The following GLI2 variants were observed in gnomAD, a reference collection of about 807,000 sequenced individuals.
GLI2 encodes the protein GLI family zinc finger 2, also known as transcription activator GLI2.
Under a neutral mutation model 78.9 loss-of-function variants are expected in GLI2, and 22 were observed. The ratio of observed to expected loss-of-function variants is 0.28; its 90% confidence interval spans 0.20 to 0.40. GLI2 has a LOEUF of 0.40. Among genes scored for constraint, GLI2 ranks in the 10% least tolerant of loss-of-function variants. The pLI, the probability that GLI2 is intolerant of heterozygous loss-of-function variation, is 1.00. For missense variants in GLI2, 2,097 were observed against 2,213.2 expected, an observed-to-expected ratio of 0.95 and a Z score of 1.05; for synonymous variants, 974 against 963.7, an observed-to-expected ratio of 1.01 and a Z score of -0.20.
chr2:120,863,810 G>C (rs889634871), intron 2 of GLI2, among the ~76,000 whole-genome samples: 4 of 152,204 alleles, frequency 2.6e-5, no homozygotes, highest in African/African-American at 9.6e-5. Context: ...GCACAGATAA[G>C]CTGAGTCACA....
intron 1 of GLI2, among the ~76,000 whole-genome samples, chr2:120,750,598 A>G (rs889446855): frequency 6.6e-6 from 1 of 152,258 alleles, no homozygotes. Flanking sequence ...ATTATTAAAA[A>G]GGCAGTCTGT....
chr2:120,972,534 C>A (rs1294989752), intron 8 of GLI2: 2 of 459,528 alleles, frequency 4.4e-6, no homozygotes, highest in African/African-American at 2.0e-5. Flanking sequence ...TCCAGGCCCA[C>A]ACACCCAGCC....
chr2:120,842,626 G>T (rs13387130), intron 2 of GLI2, among the ~76,000 whole-genome samples: 1 of 152,204 alleles, frequency 6.6e-6, no homozygotes, highest in South Asian at 2.1e-4. Context: ...GCATGCCGAT[G>T]TGAGAACCGA....
chr2:120,737,646 C>T lies in GLI2; in HGVS notation c.-31+1361C>T, dbSNP rs1011020894. Among the ~76,000 whole-genome samples the T allele has an allele frequency of 1.3e-5, 2 of 152,188 alleles. No individual in the cohort carries two copies. The highest frequency in any genetic ancestry group is 1.3e-4 in the Admixed American group (2 of 15,284). On this transcript the variant is annotated intron_variant, in intron 1 of 13. Transcript: ENST00000361492. This position sits in a 1 kb window ranked among gnomAD's most constrained non-coding sequence, Gnocchi z 4.3. ...GGTGTCCCGGGCCCCCTCTCCGCCGCTCTTGCCGGGCGTGTGAAGGTTTAA... is the reference window on the plus strand; with the variant it reads ...GGTGTCCCGGGCCCCCTCTCCGCCGTTCTTGCCGGGCGTGTGAAGGTTTAA...
chr2:120,932,728 A>C (rs1680003373), intron 3 of GLI2, among the ~76,000 whole-genome samples: 1 of 152,356 alleles, frequency 6.6e-6, no homozygotes, highest in African/African-American at 2.4e-5. Context: ...GGAAACATTC[A>C]ATGGATATGA....
At chr2:120,938,775 G>A (rs1269713986) in intron 3 of GLI2, among the ~76,000 whole-genome samples, 1 of 152,112 alleles carries the variant, frequency 6.6e-6, no homozygotes, top group Non-Finnish European at 1.5e-5. Flanking sequence ...CCCATGGAGT[G>A]ATCATGTAGA....
intron 13 of GLI2, 65 bp from the exon 14 acceptor site, chr2:120,988,143 G>T: frequency 6.9e-7 from 1 of 1,457,392 alleles, no homozygotes. Context: ...TGCGATGACT[G>T]AGCACGGTCA....
intron 2 of GLI2, among the ~76,000 whole-genome samples, chr2:120,849,564 C>T (rs957103921): frequency 1.3e-5 from 2 of 152,140 alleles, no homozygotes; most frequent in African/African-American, 4.8e-5. Flanking sequence ...GATCCTAGTG[C>T]CAAGCTTGGA....
rs556022773 is a variant in GLI2, at chr2:120,879,874, C to T, written c.149-47487C>T. Reference sequence around the variant, plus strand: ...TCTTGAGCCAGAGAAGCCAGCCAGTCATTTTCTCCAGCCTCTAGCTGAGCC... The same window carrying T: ...TCTTGAGCCAGAGAAGCCAGCCAGTTATTTTCTCCAGCCTCTAGCTGAGCC... On this transcript the variant is annotated intron_variant, in intron 2 of 13. Transcript: ENST00000361492. 1.6e-4 allele frequency among the ~76,000 whole-genome samples: 25 copies of T among 152,316 alleles called. No individual in the cohort carries two copies. In the South Asian group the frequency reaches 4.8e-3, roughly 29 times the overall value.
At chr2:120,920,919 A>C (rs1679342676) in intron 2 of GLI2, among the ~76,000 whole-genome samples, 1 of 148,682 alleles carries the variant, frequency 6.7e-6, no homozygotes. Context: ...AAAAAAACAC[A>C]AAAGCCAACA....
Position 120,797,452 on chromosome 2 carries a change from G to A in GLI2, c.132G>A (p.Ala44=), listed in dbSNP as rs145778937. Residue 44 remains alanine (A), a synonymous_variant, in exon 2 of 14, where the codon GCG becomes GCA. Transcript: ENST00000361492. ...PLVVAAAAAA[A]VAAQGVPQHL... The stretch of plus-strand genomic sequence containing the variant: ...TGGTGGCTGCAGCGGCAGCAGCAGC[G>A]GTAGCTGCCCAAGGAGGTACTTTCT... The A allele has an allele frequency of 2.2e-4, 362 of 1,613,772 alleles. No homozygotes were observed. The highest frequency in any genetic ancestry group is 2.8e-4 in the Admixed American group (17 of 60,022).
chr2:120,797,270 T>C (rs752914145), intron 1 of GLI2, 21 bp from the exon 2 acceptor site: 4 of 1,602,680 alleles, frequency 2.5e-6, no homozygotes, highest in Non-Finnish European at 3.4e-6. Flanking sequence ...TGTTGGTGAG[T>C]GTCTTTGTCT....
At chr2:120,916,228 A>G (rs185718815) in intron 2 of GLI2, among the ~76,000 whole-genome samples, 1 of 152,312 alleles carries the variant, frequency 6.6e-6, no homozygotes, top group South Asian at 2.1e-4. Flanking sequence ...ACCTCTTACT[A>G]TGTGTATTAC....
At chr2:120,922,632 A>C (rs1201962049) in intron 2 of GLI2, among the ~76,000 whole-genome samples, 1 of 152,224 alleles carries the variant, frequency 6.6e-6, no homozygotes, top group Non-Finnish European at 1.5e-5. Flanking sequence ...CCCATGAGGC[A>C]GCAGACCTTG....
chr2:120,816,918 C>T (rs1558812816), intron 2 of GLI2, among the ~76,000 whole-genome samples: 1 of 152,196 alleles, frequency 6.6e-6, no homozygotes, highest in Admixed American at 6.5e-5. Context: ...AGATCAAAGG[C>T]CTTCCCATGC....
chr2:120,753,160 G>A (rs1325716690), intron 1 of GLI2, among the ~76,000 whole-genome samples: 1 of 142,908 alleles, frequency 7.0e-6, no homozygotes, highest in Non-Finnish European at 1.5e-5. Flanking sequence ...GCAGTGGCAC[G>A]ATCTCAGCTC....
chr2:120,907,768 C>A (rs1678614743), intron 2 of GLI2, among the ~76,000 whole-genome samples: 1 of 151,618 alleles, frequency 6.6e-6, no homozygotes, highest in African/African-American at 2.4e-5. Context: ...ACCCCCCCAA[C>A]ACACACACAC....
chr2:120,756,907 G>A (rs1035925323), intron 1 of GLI2, among the ~76,000 whole-genome samples: 6 of 152,144 alleles, frequency 3.9e-5, no homozygotes. Context: ...TAGGCAGCTT[G>A]AAGTTATCCC....
rs182716891 is a variant in GLI2 at position 120,922,774 on chromosome 2, G to A, written c.149-4587G>A. 2.0e-5 allele frequency among the ~76,000 whole-genome samples: 3 copies of A among 152,216 alleles called. No homozygotes were observed. The East Asian group carries it at 5.8e-4, about 29-fold the overall frequency. On this transcript the variant is annotated intron_variant, in intron 2 of 13. Coordinates refer to ENST00000361492, the MANE Select transcript of GLI2 (RefSeq NM_001374353.1). Reference sequence around the variant, plus strand: ...CCCAGGCTCCTCCTGGGGATTCCAGGGGGTGAGAGAGGAGTGCACGGGTGC... The same window carrying A: ...CCCAGGCTCCTCCTGGGGATTCCAGAGGGTGAGAGAGGAGTGCACGGGTGC...
Sources: allele counts gnomAD v4.1 joint callset (sites outside exome capture counted in the v4.1 genomes callset), GRCh38; gene constraint gnomAD v4.1.1; non-coding constraint Gnocchi (gnomAD v3.1); transcripts MANE v1.5; gene names NCBI Gene and HGNC (gene_info 2026-07-23, HGNC 2026-07-21).